The following VAC14 variants were observed in gnomAD, a reference collection of about 807,000 sequenced individuals.
The protein encoded by VAC14 is VAC14 component of PIKFYVE complex.
Under a neutral mutation model 85.3 loss-of-function variants are expected in VAC14, and 47 were observed. The observed-to-expected ratio is 0.55, with a 90% confidence interval of 0.44 to 0.70. The LOEUF (loss-of-function observed/expected upper bound fraction) is 0.70. Ranked by LOEUF, VAC14 falls within the 30% of genes least tolerant of loss-of-function variation. The pLI is 0.00. For missense variants in VAC14, 861 were observed against 1,004.3 expected (o/e 0.86, Z 1.93); for synonymous variants, 447 against 430.5 (o/e 1.04, Z -0.47).
chr16:70,690,949 C>G (rs1471407876), intron 18 of VAC14: 2 of 985,160 alleles, frequency 2.0e-6, no homozygotes, highest in Non-Finnish European at 1.2e-6. Context: ...ACCAAGTAAC[C>G]AAGAACCCAG....
At chr16:70,695,031 G>T (rs1300768544) in intron 17 of VAC14, among the ~76,000 whole-genome samples, 1 of 152,148 alleles carries the variant, frequency 6.6e-6, no homozygotes, top group East Asian at 1.9e-4. Flanking sequence ...CACTGTGAGG[G>T]ATACAGGCAG....
chr16:70,718,171 C>T (rs1204430933), intron 14 of VAC14, among the ~76,000 whole-genome samples: 1 of 152,246 alleles, frequency 6.6e-6, no homozygotes, highest in Admixed American at 6.5e-5. Flanking sequence ...GCACAAGTTA[C>T]TAGGTGCCAG....
At chr16:70,725,511 A>G (rs996827898) in intron 14 of VAC14, among the ~76,000 whole-genome samples, 1 of 69,772 alleles carries the variant, frequency 1.4e-5, no homozygotes, top group Non-Finnish European at 2.8e-5. Flanking sequence ...CCACCCCCTC[A>G]GTGACCAATC....
At position 70,784,870 on chromosome 16, in the gene VAC14, G is replaced by A. The variant is rs757973401; in HGVS notation, c.424-32C>T. ...GAGGCACAGACAGGGGAGGGACACA[G>A]AGGCGAGGGTCACGGTTGGATGCAA... On this transcript the variant is annotated intron_variant, in intron 3 of 18. Transcript: ENST00000261776. 7.5e-6 allele frequency: 12 copies of A among 1,602,542 alleles called. No homozygotes were observed. In the South Asian group the frequency reaches 7.7e-5, roughly 10 times the overall value.
chr16:70,729,920 C>T lies in VAC14; in HGVS notation c.1661+1575G>A, dbSNP rs796991076. 3.0e-4 allele frequency among the ~76,000 whole-genome samples: 45 copies of T among 152,180 alleles called. 1 individual carries two copies. Among genetic ancestry groups the T allele is most frequent in the African/African-American group, 9.9e-4 (41 of 41,504 alleles). On this transcript the variant is annotated intron_variant, in intron 14 of 18. Transcript: ENST00000261776. Reference sequence around the variant, plus strand: ...TTGGAGAGCCTGGTACAGCAAACTACTTCTTCAATACCTTCTTTTTGATGC... The same window carrying T: ...TTGGAGAGCCTGGTACAGCAAACTATTTCTTCAATACCTTCTTTTTGATGC...
chr16:70,756,942 A>G (rs1315589461), intron 12 of VAC14, among the ~76,000 whole-genome samples: 1 of 152,192 alleles, frequency 6.6e-6, no homozygotes, highest in African/African-American at 2.4e-5. Context: ...CACTGCCATG[A>G]ATACTGTCCT....
intron 13 of VAC14, among the ~76,000 whole-genome samples, chr16:70,738,220 G>A (rs1027991771): frequency 2.6e-5 from 4 of 152,190 alleles, no homozygotes; most frequent in Non-Finnish European, 5.9e-5. Flanking sequence ...GGCTGAGCAG[G>A]GTCTTGGGGG....
chr16:70,800,951 C>T lies in VAC14; in HGVS notation c.-51G>A. ...CTCCTTAGCCCGCGGCTGCCGGGGCCGCGCCGGGGCCAGGGGAGTCTGCGG... is the reference window on the plus strand; with the variant it reads ...CTCCTTAGCCCGCGGCTGCCGGGGCTGCGCCGGGGCCAGGGGAGTCTGCGG... On this transcript the variant is annotated 5_prime_UTR_variant, in exon 1 of 19. Coordinates refer to ENST00000261776, the MANE Select transcript of VAC14 (RefSeq NM_018052.5). The T allele has an allele frequency of 1.4e-6, 2 of 1,411,734 alleles. No individual in the cohort carries two copies. The highest frequency in any genetic ancestry group is 2.5e-4 in the Middle Eastern group (1 of 4,060). The allele number at this position is 1,411,734 out of a possible 1,614,324, so 87.5% of individuals were successfully genotyped here. A position where few individuals can be genotyped will look rare whatever the true frequency, so the allele number is the denominator to read the frequency against.
intron 14 of VAC14, among the ~76,000 whole-genome samples, chr16:70,704,534 G>A (rs2053886520): frequency 6.6e-6 from 1 of 152,250 alleles, no homozygotes; most frequent in Non-Finnish European, 1.5e-5. Context: ...GAGGGGCTGT[G>A]CAAACACTGC....
chr16:70,703,373 T>C (rs2053865187), intron 14 of VAC14, among the ~76,000 whole-genome samples: 1 of 150,714 alleles, frequency 6.6e-6, no homozygotes. Flanking sequence ...ATAGGGGACC[T>C]CTTGTACCAC....
At chr16:70,786,600 C>A (rs2034071582) in intron 1 of VAC14, among the ~76,000 whole-genome samples, 1 of 152,230 alleles carries the variant, frequency 6.6e-6, no homozygotes, top group African/African-American at 2.4e-5. Flanking sequence ...TATCTCACTT[C>A]TGGGAATCTG....
chr16:70,745,855 G>A (rs2030841487), intron 12 of VAC14, among the ~76,000 whole-genome samples: 2 of 152,230 alleles, frequency 1.3e-5, no homozygotes, highest in Admixed American at 6.5e-5. Flanking sequence ...AGGGAAAGTG[G>A]GACAGAGCCT....
At chr16:70,743,734 G>A (rs948100528) in intron 13 of VAC14, among the ~76,000 whole-genome samples, 3 of 152,146 alleles carry the variant, frequency 2.0e-5, no homozygotes, top group Non-Finnish European at 4.4e-5. Context: ...AGCCCTGTGT[G>A]GATGTCCAGA....
rs1423448451 is a variant in VAC14 at position 70,688,101 on chromosome 16, G to A, written c.2187-11C>T. On this transcript the variant is annotated splice_polypyrimidine_tract_variant and intron_variant, in intron 18 of 18. Coordinates refer to ENST00000261776, the MANE Select transcript of VAC14 (RefSeq NM_018052.5). ...GCCTTTAGACTGTCTCTGGGAAGAG[G>A]GAGCAGAAATGCTCAGTGTCAGGGA... 1.9e-6 allele frequency: 3 copies of A among 1,545,352 alleles called. No homozygotes were observed. The highest frequency in any genetic ancestry group is 2.8e-5 in the African/African-American group (2 of 72,410).
chr16:70,749,265 G>A (rs1256691795), intron 12 of VAC14, among the ~76,000 whole-genome samples: 1 of 152,226 alleles, frequency 6.6e-6, no homozygotes, highest in Non-Finnish European at 1.5e-5. Flanking sequence ...CTCCCCTGCA[G>A]AGAATGTGCT....
intron 1 of VAC14, among the ~76,000 whole-genome samples, chr16:70,796,701 A>G (rs2034560357): frequency 6.6e-6 from 1 of 152,186 alleles, no homozygotes; most frequent in Non-Finnish European, 1.5e-5. Flanking sequence ...AAGCTTTTCT[A>G]TATCCTCCCA....
chr16:70,735,553 T>C (rs924755470), intron 13 of VAC14, among the ~76,000 whole-genome samples: 24 of 152,224 alleles, frequency 1.6e-4, no homozygotes, highest in African/African-American at 5.5e-4. Context: ...TGTCCTCTCA[T>C]GGTCCTGCCG....
chr16:70,727,474 G>T (rs1225468220), intron 14 of VAC14, among the ~76,000 whole-genome samples: 1 of 152,116 alleles, frequency 6.6e-6, no homozygotes, highest in Non-Finnish European at 1.5e-5. Context: ...CGAGTAGCTG[G>T]GATTATAGGC....
intron 14 of VAC14, among the ~76,000 whole-genome samples, chr16:70,701,188 C>T (rs1416907450): frequency 6.6e-6 from 1 of 152,214 alleles, no homozygotes. Context: ...TCTTCTCTCT[C>T]TAGTCTGTGC....
Sources: gnomAD v4.1 joint callset for allele counts (sites outside exome capture counted in the v4.1 genomes callset) on GRCh38, gnomAD v4.1.1 for gene constraint, MANE v1.5 for transcripts, NCBI Gene and HGNC (gene_info 2026-07-23, HGNC 2026-07-21) for gene names.